LUC7L2: variants seen among roughly 807,000 people sequenced by gnomAD.
LUC7L2 encodes the protein putative RNA-binding protein Luc7-like 2.
A neutral mutation model predicts 52.8 loss-of-function variants in LUC7L2; 25 were observed. That is an observed-to-expected ratio of 0.47 (90% CI 0.34 to 0.66). The LOEUF is 0.66. Ranked by LOEUF, LUC7L2 falls within the 30% of genes least tolerant of loss-of-function variation. The pLI is 0.01. For synonymous variants in LUC7L2, 144 were observed against 160.9 expected (o/e 0.89, Z 0.80); for missense variants, 328 against 497.8 (o/e 0.66, Z 3.25).
intron 2 of LUC7L2, among the ~76,000 whole-genome samples, chr7:139,389,332 CAG>C (rs1794331295): frequency 6.6e-6 from 1 of 152,166 alleles, no homozygotes; most frequent in Non-Finnish European, 1.5e-5. Context: ...ACCATCTAGT[CAG>C]AGGCTGTAAA....
intron 9 of LUC7L2, among the ~76,000 whole-genome samples, chr7:139,420,547 A>G (rs1225100086): frequency 1.3e-5 from 2 of 152,132 alleles, no homozygotes; most frequent in African/African-American, 2.4e-5. Context: ...TTCCCCATCT[A>G]CTAAGTGGAG....
chr7:139,382,296 A>G (rs543822920), intron 2 of LUC7L2, among the ~76,000 whole-genome samples: 16 of 152,328 alleles, frequency 1.1e-4, no homozygotes, highest in South Asian at 2.1e-4. Context: ...AAAAGAACCA[A>G]TCTTAAAAAA....
intron 1 of LUC7L2, among the ~76,000 whole-genome samples, chr7:139,352,912 C>T (rs1225350483): frequency 6.6e-6 from 1 of 152,082 alleles, no homozygotes; most frequent in African/African-American, 2.4e-5. Flanking sequence ...CATTAATAGG[C>T]ACCGGCCGGG....
chr7:139,386,725 A>G (rs1015028715), intron 2 of LUC7L2, among the ~76,000 whole-genome samples: 14 of 151,464 alleles, frequency 9.2e-5, no homozygotes, highest in South Asian at 4.2e-4. Context: ...ATTTTTTAAC[A>G]TGTGATGAGT....
At chr7:139,406,476 C>T (rs962058445) in intron 5 of LUC7L2, among the ~76,000 whole-genome samples, 1 of 151,756 alleles carries the variant, frequency 6.6e-6, no homozygotes, top group Non-Finnish European at 1.5e-5. Flanking sequence ...CCTCAGCCTG[C>T]TGAGTAGCTG....
intron 1 of LUC7L2, among the ~76,000 whole-genome samples, chr7:139,366,827 C>G (rs1800181233): frequency 6.6e-6 from 1 of 152,200 alleles, no homozygotes; most frequent in South Asian, 2.1e-4. Context: ...GACCCACCTA[C>G]TGAGTCAGAA....
At chr7:139,395,370 T>C (rs1434812639) in intron 2 of LUC7L2, among the ~76,000 whole-genome samples, 4 of 152,218 alleles carry the variant, frequency 2.6e-5, no homozygotes, top group Non-Finnish European at 5.9e-5. Flanking sequence ...CATAGAAAGC[T>C]TTACTTTTTG....
At chr7:139,355,125 T>C (rs1477944762), upstream of LUC7L2, among the ~76,000 whole-genome samples, 2 of 151,662 alleles carry the variant, frequency 1.3e-5, no homozygotes, top group Admixed American at 1.3e-4. Context: ...TCTCCCAAAG[T>C]GTGGGGATTA....
At chr7:139,360,393 G>A (rs1799807073) in intron 1 of LUC7L2, 71 bp downstream of exon 1, 3 of 1,428,806 alleles carry the variant, frequency 2.1e-6, no homozygotes, top group Non-Finnish European at 2.9e-6. Context: ...TTCCGAGGGC[G>A]CACCTGGGCG....
chr7:139,400,714 A>G (rs1794874269), intron 3 of LUC7L2, among the ~76,000 whole-genome samples: 1 of 152,138 alleles, frequency 6.6e-6, no homozygotes, highest in Non-Finnish European at 1.5e-5. Context: ...ATAGCTACTT[A>G]GTCACCCAAC....
chr7:139,417,965 T>C lies in LUC7L2; in HGVS notation c.1001+236T>C, dbSNP rs546903030. ...TTGGAACCAATATGTGTAGAGGTTA[T>C]TGCTTTTCTCTGCTTAGTGTGTCTT... On this transcript the variant is annotated intron_variant, in intron 9 of 9. Transcript: ENST00000354926. Among the ~76,000 whole-genome samples, 30 of 152,358 alleles carry C rather than the reference T, an allele frequency of 2.0e-4. No individual in the cohort carries two copies. In the South Asian group the frequency reaches 6.0e-3, roughly 30 times the overall value.
chr7:139,361,468 A>T (rs1038164017), intron 1 of LUC7L2, among the ~76,000 whole-genome samples: 4 of 152,228 alleles, frequency 2.6e-5, no homozygotes, highest in Non-Finnish European at 5.9e-5. Flanking sequence ...TAAAAATTTT[A>T]TTGCATTCAA....
chr7:139,377,137 T>A (rs927223515), intron 2 of LUC7L2, among the ~76,000 whole-genome samples: 1 of 152,236 alleles, frequency 6.6e-6, no homozygotes, highest in Non-Finnish European at 1.5e-5. Flanking sequence ...GAAATCCAGT[T>A]TCTGAGCACA....
At chr7:139,410,133 G>T (rs571712211) in intron 7 of LUC7L2, among the ~76,000 whole-genome samples, 4 of 151,978 alleles carry the variant, frequency 2.6e-5, no homozygotes, top group African/African-American at 9.7e-5. Flanking sequence ...CGTGAACCTG[G>T]GGGGGCAGAG....
At chr7:139,356,859 AG>A (rs536293811), upstream of LUC7L2, among the ~76,000 whole-genome samples, 89 of 152,370 alleles carry the variant, frequency 5.8e-4, 1 homozygote, top group Middle Eastern at 0.014. Flanking sequence ...TCAGACAAAA[AG>A]GAAATGATCC....
chr7:139,349,201 C>T (rs182798245), intron 1 of LUC7L2, among the ~76,000 whole-genome samples: 1 of 152,276 alleles, frequency 6.6e-6, no homozygotes, highest in African/African-American at 2.4e-5. Flanking sequence ...TTGCATGGTG[C>T]ATAATGAGTG....
intron 7 of LUC7L2, among the ~76,000 whole-genome samples, chr7:139,411,081 G>A (rs1795339378): frequency 6.6e-6 from 1 of 152,008 alleles, no homozygotes; most frequent in South Asian, 2.1e-4. Context: ...AGTAATATTG[G>A]GAATCTCATT....
At chr7:139,345,818 T>G (rs1799245715) in intron 1 of LUC7L2, 3 of 1,185,714 alleles carry the variant, frequency 2.5e-6, no homozygotes, top group Admixed American at 3.1e-5. Flanking sequence ...TAATTTTGTT[T>G]ACTAGTTCTT....
intron 2 of LUC7L2, among the ~76,000 whole-genome samples, chr7:139,396,241 C>T (rs979259310): frequency 2.6e-5 from 4 of 151,904 alleles, no homozygotes; most frequent in Non-Finnish European, 5.9e-5. Flanking sequence ...AGTTTGAGAC[C>T]AGCCTGGGCA....
Sources: gnomAD v4.1 joint callset for allele counts (sites outside exome capture counted in the v4.1 genomes callset) on GRCh38, gnomAD v4.1.1 for gene constraint, MANE v1.5 for transcripts, NCBI Gene and HGNC (gene_info 2026-07-23, HGNC 2026-07-21) for gene names.